Variants in TBC1D9B observed in about 807,000 individuals in gnomAD.
TBC1D9B encodes TBC1 domain family, member 9B (with GRAM domain).
TBC1D9B carries 87 observed loss-of-function variants against 121.1 expected under a neutral mutation model. The observed-to-expected ratio is 0.72, with a 90% CI of 0.60 to 0.86. TBC1D9B has a LOEUF of 0.86. Ranked by LOEUF, TBC1D9B falls within the 40% of genes least tolerant of loss-of-function variation. The pLI, the probability that TBC1D9B is intolerant of heterozygous loss-of-function variation, is 0.00. For synonymous variants in TBC1D9B, 668 were observed against 670.1 expected, an observed-to-expected ratio of 1.00 and a Z score of 0.05; for missense variants, 1,540 against 1,628.6, an observed-to-expected ratio of 0.95 and a Z score of 0.94.
At chr5:179,867,259 C>T (rs549911850) in intron 18 of TBC1D9B, 18 of 628,906 alleles carry the variant, frequency 2.9e-5, no homozygotes, top group East Asian at 8.5e-5. Flanking sequence ...CCTTATTTAC[C>T]GCCCACCTAC....
rs1760833558 is a variant in TBC1D9B, at chr5:179,890,563, G to A, written c.1044+816C>T. Among the ~76,000 whole-genome samples the A allele has an allele frequency of 6.6e-6, 1 of 152,302 alleles. No individual in the cohort carries two copies. The highest frequency in any genetic ancestry group is 1.5e-5 in the Non-Finnish European group (1 of 68,040). ...TCTGACTTCCCTTGGGGAAACTGAG[G>A]CAGCAACTCTCCCACACCTATTCTC... is the stretch of plus-strand genomic sequence containing the variant. On this transcript the variant is annotated intron_variant, in intron 6 of 20. Transcript: ENST00000355235. This position sits in a 1 kb window ranked among gnomAD's most constrained non-coding sequence, Gnocchi z 5.0.
intron 18 of TBC1D9B, chr5:179,867,423 C>A: frequency 6.5e-7 from 1 of 1,549,634 alleles, no homozygotes; most frequent in Non-Finnish European, 8.7e-7. Context: ...ACAGGGGGCG[C>A]CCCTGCCTTC....
chr5:179,879,424 G>A (rs1760464924), intron 8 of TBC1D9B: 3 of 1,013,852 alleles, frequency 3.0e-6, no homozygotes, highest in South Asian at 1.6e-5. Flanking sequence ...TGGAGTCCGT[G>A]GCAAACAGCA....
In TBC1D9B at chr5:179,863,438, G is replaced by T. The variant is rs1561629777; in HGVS notation, c.*10C>A. ...ATGACACCTTGGGCCAGGCCTCACAGCTGCAGGCATCAGCCGGAAACTCCA... is the reference window on the plus strand; with the variant it reads ...ATGACACCTTGGGCCAGGCCTCACATCTGCAGGCATCAGCCGGAAACTCCA... On this transcript the variant is annotated 3_prime_UTR_variant, in exon 21 of 21. Transcript: ENST00000355235. The surrounding 1 kb of genome is among the most constrained non-coding windows in gnomAD (Gnocchi z 4.5). 1.9e-6 allele frequency: 3 copies of T among 1,610,320 alleles called. No homozygotes were observed. Among genetic ancestry groups the T allele is most frequent in the Non-Finnish European group, 1.7e-6 (2 of 1,177,768 alleles).
intron 3 of TBC1D9B, 102 bp from the exon 4 acceptor site, chr5:179,894,716 T>C (rs1202738977): frequency 1.7e-6 from 2 of 1,190,706 alleles, no homozygotes; most frequent in Admixed American, 4.3e-5. Context: ...TGGACCTTGG[T>C]CTAAGGGCTA....
chr5:179,878,929 G>T (rs1760445275), intron 9 of TBC1D9B, 118 bp downstream of exon 9: 2 of 1,381,184 alleles, frequency 1.4e-6, no homozygotes, highest in Non-Finnish European at 1.9e-6. Flanking sequence ...CTGTGTGAAA[G>T]AGCTGGGAGC....
rs1479588665 is a variant in TBC1D9B at position 179,869,750 on chromosome 5, G to T, written c.2791+19C>A. On this transcript the variant is annotated intron_variant, in intron 17 of 20. Transcript: ENST00000355235. ...ACAAGTGGGAGACCCTGGCTGGGGA[G>T]TGGGCAGGAGGCTCTCACCTGGGGG... The T allele has an allele frequency of 1.2e-6, 2 of 1,611,752 alleles. No homozygotes were observed. The highest frequency in any genetic ancestry group is 8.5e-7 in the Non-Finnish European group (1 of 1,178,766).
chr5:179,887,986 C>A, intron 7 of TBC1D9B, 117 bp downstream of exon 7: 1 of 1,300,922 alleles, frequency 7.7e-7, no homozygotes, highest in Non-Finnish European at 1.1e-6. Flanking sequence ...ACACATCCAC[C>A]CCTAGGCGGA....
At chr5:179,866,547 A>G (rs1166172092) in intron 18 of TBC1D9B, 1 of 152,432 alleles carries the variant, frequency 6.6e-6, no homozygotes, top group Non-Finnish European at 1.5e-5. Flanking sequence ...GTCTGGTGGC[A>G]GTGAAGGGCA....
intron 2 of TBC1D9B, among the ~76,000 whole-genome samples, chr5:179,900,357 C>T (rs986557411): frequency 3.9e-5 from 6 of 152,146 alleles, no homozygotes; most frequent in African/African-American, 1.4e-4. Flanking sequence ...GGCTCCCCTA[C>T]CCCCAGCACC....
chr5:179,897,273 CCACA>C (rs931838214), intron 3 of TBC1D9B, among the ~76,000 whole-genome samples: 16 of 151,822 alleles, frequency 1.1e-4, no homozygotes, highest in African/African-American at 3.6e-4. Flanking sequence ...TCACTGCATC[CCACA>C]CATCCTGACA....
rs754146906 is a variant in TBC1D9B at position 179,904,804 on chromosome 5, C to A, written c.127G>T (p.Val43Leu). 3.2e-6 allele frequency: 5 copies of A among 1,561,162 alleles called. No individual in the cohort carries two copies. Among genetic ancestry groups the A allele is most frequent in the South Asian group, 2.4e-5 (2 of 84,702 alleles). ...GRGGGLTGLL[V>L]GTLDVVLDSS... is the part of the protein sequence containing the mutation. ...TCCAGCACCACGTCCAGGGTGCCCA[C>A]GAGAAGACCTGGGAACAGGGCAGAG... Residue 43 changes from valine (V) to leucine (L), a missense_variant, in exon 2 of 21, where the codon GTG becomes TTG. Transcript: ENST00000355235. This position sits in a 1 kb window ranked among gnomAD's most constrained non-coding sequence, Gnocchi z 4.2.
chr5:179,904,952 C>G lies in TBC1D9B; in HGVS notation c.119-140G>C. On this transcript the variant is annotated intron_variant, in intron 1 of 20. Transcript: ENST00000355235. This position sits in a 1 kb window ranked among gnomAD's most constrained non-coding sequence, Gnocchi z 4.2. ...CAACGAGGGAAACGTCCGGAATGACCCCTGCGGTCAAAGGCCTTCAGCCAG... is the reference window on the plus strand; with the variant it reads ...CAACGAGGGAAACGTCCGGAATGACGCCTGCGGTCAAAGGCCTTCAGCCAG... The G allele has an allele frequency of 4.9e-6, 3 of 614,920 alleles. No individual in the cohort carries two copies. Among genetic ancestry groups the G allele is most frequent in the Non-Finnish European group, 8.2e-6 (3 of 366,272 alleles). The allele number at this position is 614,920 out of a possible 1,614,324, so 38.1% of individuals were successfully genotyped here.
At chr5:179,889,941 T>C (rs1484729068) in intron 6 of TBC1D9B, among the ~76,000 whole-genome samples, 1 of 143,690 alleles carries the variant, frequency 7.0e-6, no homozygotes, top group Non-Finnish European at 1.5e-5. Flanking sequence ...CTAAAGCAGA[T>C]GATGGTGTCT....
chr5:179,906,375 C>T (rs1761316839), intron 1 of TBC1D9B, among the ~76,000 whole-genome samples: 1 of 152,184 alleles, frequency 6.6e-6, no homozygotes, highest in Non-Finnish European at 1.5e-5. Flanking sequence ...GGAGAAGAGC[C>T]CGCAGGAAGG....
In TBC1D9B at chr5:179,904,582, T is replaced by C; in HGVS notation, c.229+120A>G. 2 of 871,108 alleles carry C rather than the reference T, an allele frequency of 2.3e-6. No individual in the cohort carries two copies. Among genetic ancestry groups the C allele is most frequent in the African/African-American group, 3.5e-5 (2 of 57,764 alleles). The allele number at this position is 871,108 out of a possible 1,614,324, so 54.0% of individuals were successfully genotyped here. On this transcript the variant is annotated intron_variant, in intron 2 of 20. Coordinates refer to ENST00000355235, the MANE Select transcript of TBC1D9B (RefSeq NM_015043.4). This position sits in a 1 kb window ranked among gnomAD's most constrained non-coding sequence, Gnocchi z 4.2. ...CTCCTCCACTTCCCTCTTGCAGCCT[T>C]GGGCTATGCTGTCAGCAGGGAATAC...
intron 1 of TBC1D9B, among the ~76,000 whole-genome samples, chr5:179,905,203 A>G (rs924760689): frequency 2.0e-5 from 3 of 152,210 alleles, no homozygotes; most frequent in Non-Finnish European, 4.4e-5. Flanking sequence ...AAAAAGAACA[A>G]TATCAGAAAT....
At chr5:179,895,107 C>T (rs1378522860) in intron 3 of TBC1D9B, among the ~76,000 whole-genome samples, 2 of 152,062 alleles carry the variant, frequency 1.3e-5, no homozygotes, top group Non-Finnish European at 2.9e-5. Context: ...GTGATCCGCC[C>T]GCCTCAGCCT....
In TBC1D9B at chr5:179,871,602, G is replaced by C; in HGVS notation, c.2416-72C>G. ...GGCACAGAAGTACGGCACTCTGTGA[G>C]AGCATCCTCGGCAGACAAGGGCAAG... On this transcript the variant is annotated intron_variant, in intron 14 of 20. Transcript: ENST00000355235. 4 of 1,516,468 alleles carry C rather than the reference G, an allele frequency of 2.6e-6. No individual in the cohort carries two copies. In the Admixed American group the frequency reaches 7.0e-5, roughly 27 times the overall value. The allele number at this position is 1,516,468 out of a possible 1,614,324, so 93.9% of individuals were successfully genotyped here. A position where few individuals can be genotyped will look rare whatever the true frequency, so the allele number is the denominator to read the frequency against.
Sources: gnomAD v4.1 joint callset for allele counts (sites outside exome capture counted in the v4.1 genomes callset) on GRCh38, gnomAD v4.1.1 for gene constraint, Gnocchi (gnomAD v3.1) non-coding constraint, MANE v1.5 for transcripts, NCBI Gene and HGNC (gene_info 2026-07-23, HGNC 2026-07-21) for gene names.